The following ADCK5 variants were observed in gnomAD, a reference collection of about 807,000 sequenced individuals.
ADCK5 encodes aarF domain containing kinase 5, also known as uncharacterized aarF domain-containing protein kinase 5.
Under a neutral mutation model 64.9 loss-of-function variants are expected in ADCK5, and 43 were observed. The observed-to-expected ratio is 0.66, with a 90% CI of 0.52 to 0.85. The LOEUF is 0.85. Among genes scored for constraint, ADCK5 ranks in the 40% least tolerant of loss-of-function variants. The probability of loss-of-function intolerance (pLI) is 0.00; values close to 1 mark genes in which losing one functional copy is unlikely to be tolerated. For synonymous variants in ADCK5, 434 were observed against 342.8 expected (o/e 1.27, Z -2.94); for missense variants, 760 against 810.5 (o/e 0.94, Z 0.76).
At chr8:144,387,036 C>A (rs1351163111) in intron 3 of ADCK5, among the ~76,000 whole-genome samples, 3 of 152,200 alleles carry the variant, frequency 2.0e-5, no homozygotes, top group African/African-American at 7.2e-5. Context: ...CCTAGTGTGG[C>A]AGCTGTCTGA....
intron 3 of ADCK5, among the ~76,000 whole-genome samples, chr8:144,385,956 T>A (rs1357864907): frequency 6.6e-6 from 1 of 151,102 alleles, no homozygotes; most frequent in Non-Finnish European, 1.5e-5. Flanking sequence ...AGAGCGACTC[T>A]CTGTCTCAAA....
chr8:144,377,190 T>C (rs1819399314), intron 1 of ADCK5, among the ~76,000 whole-genome samples: 1 of 152,250 alleles, frequency 6.6e-6, no homozygotes, highest in Non-Finnish European at 1.5e-5. Flanking sequence ...TGAGACCTCA[T>C]CCTAGGTCAA....
At chr8:144,383,758 G>T (rs1319537491) in intron 3 of ADCK5, among the ~76,000 whole-genome samples, 2 of 152,152 alleles carry the variant, frequency 1.3e-5, no homozygotes, top group Non-Finnish European at 2.9e-5. Flanking sequence ...GACACCTTCT[G>T]TTGGAACCCT....
intron 3 of ADCK5, among the ~76,000 whole-genome samples, chr8:144,388,228 G>A (rs1180486554): frequency 6.6e-6 from 1 of 150,912 alleles, no homozygotes; most frequent in Non-Finnish European, 1.5e-5. Flanking sequence ...CATGTGGTGG[G>A]CACCTGTAGT....
intron 3 of ADCK5, among the ~76,000 whole-genome samples, chr8:144,383,750 C>G (rs1200993186): frequency 6.6e-6 from 1 of 152,144 alleles, no homozygotes. Context: ...AGGGTGAGGA[C>G]ACCTTCTGTT....
intron 3 of ADCK5, 61 bp from the exon 4 acceptor site, chr8:144,390,610 G>A: frequency 1.3e-6 from 2 of 1,529,716 alleles, no homozygotes; most frequent in Non-Finnish European, 8.9e-7. Flanking sequence ...TCTGACAAGA[G>A]GACCAAGCAC....
At chr8:144,378,953 A>C (rs1232967997) in intron 1 of ADCK5, among the ~76,000 whole-genome samples, 1 of 147,114 alleles carries the variant, frequency 6.8e-6, no homozygotes, top group Non-Finnish European at 1.5e-5. Flanking sequence ...TTTTTTCTTG[A>C]GATGGAGTTT....
chr8:144,392,178 C>CGGGG lies in ADCK5; in HGVS notation c.1175+11_1175+12insGGGG. ...CCAGTTCCTGGAGGAGAAGTGAGCGCGGGTGGGTGGGCGTGGGGCAGGGCA... is the reference window on the plus strand; with the variant it reads ...CCAGTTCCTGGAGGAGAAGTGAGCGCGGGGGGGTGGGTGGGCGTGGGGCAGGGCA... On this transcript the variant is annotated intron_variant, in intron 11 of 14. Coordinates refer to ENST00000308860, the MANE Select transcript of ADCK5 (RefSeq NM_174922.5). The CGGGG allele has an allele frequency of 2.9e-6, 1 of 339,094 alleles. No individual in the cohort carries two copies. Among genetic ancestry groups the CGGGG allele is most frequent in the Admixed American group, 3.8e-5 (1 of 26,286 alleles). The allele number at this position is 339,094 out of a possible 1,614,324, so 21.0% of individuals were successfully genotyped here.
chr8:144,379,836 G>A (rs1250393480), intron 2 of ADCK5, among the ~76,000 whole-genome samples: 1 of 152,208 alleles, frequency 6.6e-6, no homozygotes, highest in Non-Finnish European at 1.5e-5. Flanking sequence ...AAGAGGAAGA[G>A]CAGCAAGAAG....
chr8:144,383,337 G>A lies in ADCK5; in HGVS notation c.266+107G>A. 3 of 1,403,754 alleles carry A rather than the reference G, an allele frequency of 2.1e-6. No individual in the cohort carries two copies. In the South Asian group the frequency reaches 4.5e-5, roughly 21 times the overall value. The allele number at this position is 1,403,754 out of a possible 1,614,324, so 87.0% of individuals were successfully genotyped here. ...TTCACAGACGAGGGGCGTGAGCCTG[G>A]GAGGCCTGCAGAGCTTGCTGAGGAT... On this transcript the variant is annotated intron_variant, in intron 3 of 14. Transcript: ENST00000308860.
upstream of ADCK5, chr8:144,373,125 T>G (rs1418784744): frequency 1.3e-5 from 2 of 152,484 alleles, no homozygotes; most frequent in African/African-American, 2.4e-5. Context: ...CCAAGCTGAC[T>G]CAGGAGCCCT....
chr8:144,379,596 G>C, intron 2 of ADCK5, 106 bp downstream of exon 2: 1 of 928,270 alleles, frequency 1.1e-6, no homozygotes, highest in Admixed American at 2.9e-5. Context: ...ACCTTCTCCT[G>C]TACCCACAAC....
In ADCK5 at chr8:144,392,260, C is replaced by T. The variant is rs988528660; in HGVS notation, c.1182C>T (p.Arg394=). The part of the protein sequence containing the change: ...GLYQFLEEKD[R]AALCQLWRAI... ...CGGGCCCATCCACACCCAGGGACCG[C>T]GCAGCCCTCTGCCAGCTGTGGCGGG... Residue 394 remains arginine, a synonymous_variant, in exon 12 of 15, where the codon CGC becomes CGT. Transcript: ENST00000308860. The T allele has an allele frequency of 9.8e-6, 15 of 1,531,972 alleles. No individual in the cohort carries two copies. The highest frequency in any genetic ancestry group is 3.9e-5 in the Admixed American group (2 of 50,748). The allele number at this position is 1,531,972 out of a possible 1,614,324, so 94.9% of individuals were successfully genotyped here. A position where few individuals can be genotyped will look rare whatever the true frequency, so the allele number is the denominator to read the frequency against.
Position 144,390,761 on chromosome 8 carries a change from C to G in ADCK5, c.342+15C>G, listed in dbSNP as rs782131015. ...GGGTGGAAGAGGTTTGTCCTGGTGC[C>G]CTGGGCACACAGTGGTGGGCATGAG... is the stretch of plus-strand genomic sequence containing the variant. On this transcript the variant is annotated intron_variant, in intron 4 of 14. Transcript: ENST00000308860. 1 of 1,612,728 alleles carries G rather than the reference C, an allele frequency of 6.2e-7. No individual in the cohort carries two copies. Among genetic ancestry groups the G allele is most frequent in the African/African-American group, 1.3e-5 (1 of 74,904 alleles).
At chr8:144,389,813 A>G (rs1441619614) in intron 3 of ADCK5, among the ~76,000 whole-genome samples, 1 of 148,406 alleles carries the variant, frequency 6.7e-6, no homozygotes, top group East Asian at 2.0e-4. Context: ...CATAGGTGTG[A>G]GCTACCAAGC....
At position 144,393,236 on chromosome 8, in the gene ADCK5, CAA is replaced by C. The variant is rs1373474279; in HGVS notation, c.*167_*168del. The C allele has an allele frequency of 7.1e-7, 1 of 1,408,464 alleles. No homozygotes were observed. Among genetic ancestry groups the C allele is most frequent in the Non-Finnish European group, 9.5e-7 (1 of 1,056,164 alleles). The allele number at this position is 1,408,464 out of a possible 1,614,324, so 87.2% of individuals were successfully genotyped here. A position where few individuals can be genotyped will look rare whatever the true frequency, so the allele number is the denominator to read the frequency against. On this transcript the variant is annotated 3_prime_UTR_variant, in exon 15 of 15. Coordinates refer to ENST00000308860, the MANE Select transcript of ADCK5 (RefSeq NM_174922.5). The stretch of plus-strand genomic sequence containing the variant: ...GTAATGACCACACACTCCTCTCAAG[CAA>C]AAAATGTTTTTCCTTGTGTTTTGTA...
intron 2 of ADCK5, among the ~76,000 whole-genome samples, chr8:144,382,275 A>G: frequency 6.6e-6 from 1 of 152,376 alleles, no homozygotes; most frequent in African/African-American, 2.4e-5. Flanking sequence ...TGCCGCACTC[A>G]GGATTATGGG....
intron 1 of ADCK5, among the ~76,000 whole-genome samples, chr8:144,374,827 C>T (rs1412184955): frequency 2.0e-5 from 3 of 152,328 alleles, no homozygotes; most frequent in African/African-American, 7.2e-5. Context: ...CTCAGGCTCT[C>T]GGCGTCTCCC....
rs782058900 is a variant in ADCK5, at chr8:144,392,668, C to T, written c.1491C>T (p.Pro497=). 6.9e-6 allele frequency: 11 copies of T among 1,594,604 alleles called. No homozygotes were observed. The highest frequency in any genetic ancestry group is 1.3e-5 in the African/African-American group (1 of 74,634). ...VRAINVALGA[P]VDRYFLMAKR... is the part of the protein sequence containing the mutation. ...CTATCAACGTGGCCCTCGGCGCCCC[C>T]GTGGACCGCTACTTCCTTATGGCTA... The change falls in exon 13 of 15, where the codon CCC becomes CCT. Residue 497 remains proline, a synonymous_variant. Coordinates refer to ENST00000308860, the MANE Select transcript of ADCK5 (RefSeq NM_174922.5).
Sources: gnomAD v4.1 joint callset for allele counts (sites outside exome capture counted in the v4.1 genomes callset) on GRCh38, gnomAD v4.1.1 for gene constraint, MANE v1.5 for transcripts, NCBI Gene and HGNC (gene_info 2026-07-23, HGNC 2026-07-21) for gene names.